PPP1CC: variants seen among roughly 807,000 people sequenced by gnomAD.
PPP1CC encodes protein phosphatase 1 catalytic subunit gamma.
In PPP1CC, 16 loss-of-function variants were observed where a neutral mutation model predicts 38.4. The ratio of observed to expected loss-of-function variants is 0.42; its 90% confidence interval spans 0.28 to 0.63. The LOEUF is 0.63. PPP1CC is among the 30% of genes least tolerant of loss of function. The probability of loss-of-function intolerance (pLI) is 0.25; values close to 1 mark genes in which losing one functional copy is unlikely to be tolerated. For missense variants in PPP1CC, 170 were observed against 391.3 expected, an observed-to-expected ratio of 0.43 and a Z score of 4.77; for synonymous variants, 158 against 136.0, an observed-to-expected ratio of 1.16 and a Z score of -1.13.
chr12:110,724,684 C>A lies in PPP1CC; in HGVS notation c.499G>T (p.Glu167Ter). 1.2e-6 allele frequency: 2 copies of A among 1,612,970 alleles called. No homozygotes were observed. The highest frequency in any genetic ancestry group is 2.2e-5 in the South Asian group (2 of 91,020). The change falls in exon 4 of 7, where the codon GAG (glutamate) becomes TAG (stop). Residue 167 changes from glutamate (E) to a stop codon, truncating the protein, a stop_gained. Coordinates refer to ENST00000335007, the MANE Select transcript of PPP1CC (RefSeq NM_002710.4). LOFTEE classifies it high-confidence loss of function. ...CCTCCATGACAGCAGAATATCTTCT[C>A]ATCCACGATGGCTGCTATCGGTAAA... ...NCLPIAAIVD[E>*]KIFCCHGGLS... is the part of the protein sequence containing the mutation.
intron 6 of PPP1CC, chr12:110,721,503 C>G (rs1276829917): frequency 1.1e-5 from 2 of 183,416 alleles, no homozygotes; most frequent in Non-Finnish European, 2.3e-5. Flanking sequence ...GTAGGGGATC[C>G]TTGCACAATC....
chr12:110,719,903 G>A lies in PPP1CC; in HGVS notation c.*1173C>T. On this transcript the variant is annotated 3_prime_UTR_variant, in exon 7 of 7. Coordinates refer to ENST00000335007, the MANE Select transcript of PPP1CC (RefSeq NM_002710.4). ...TGTGCTGATAAATAGACACTGAGAA[G>A]ATTTAACAAGTTCATCATTTAATAA... 2.0e-6 allele frequency: 1 copy of A among 488,816 alleles called. No homozygotes were observed. The allele number at this position is 488,816 out of a possible 1,614,324, so 30.3% of individuals were successfully genotyped here.
At chr12:110,711,580 G>A in the PPP1CC span, among the ~76,000 whole-genome samples, 3 of 152,192 alleles carry the variant, frequency 2.0e-5, 1 homozygote, top group East Asian at 1.9e-4. Flanking sequence ...TAACCCAGGC[G>A]ATGGGTATGT....
At chr12:110,725,727 CTT>C (rs925660435) in intron 3 of PPP1CC, 3 of 152,210 alleles carry the variant, frequency 2.0e-5, no homozygotes, top group African/African-American at 7.2e-5. Context: ...GTCCAGATGC[CTT>C]TGTTTCCTGT....
In PPP1CC at chr12:110,724,840, T is replaced by G. The variant is rs181794870; in HGVS notation, c.419-76A>C. On this transcript the variant is annotated intron_variant, in intron 3 of 6. Transcript: ENST00000335007. ...TAGGCTCATTCTCTCAGGATTAACTTCCCCCAAAGCAAGATTCTGGGTGCC... is the reference window on the plus strand; with the variant it reads ...TAGGCTCATTCTCTCAGGATTAACTGCCCCCAAAGCAAGATTCTGGGTGCC... 1,310 of 820,326 alleles carry G rather than the reference T, an allele frequency of 1.6e-3. 17 individuals carry two copies. The highest frequency in any genetic ancestry group is 2.5e-4 in the Non-Finnish European group (125 of 499,320). 50.8% of individuals were successfully genotyped at this position (820,326 alleles called of 1,614,324 possible).
rs186261280 is a variant in PPP1CC, at chr12:110,729,772, G to A, written c.418+757C>T. Among the ~76,000 whole-genome samples, 70 of 152,300 alleles carry A rather than the reference G, an allele frequency of 4.6e-4. 1 individual carries two copies. The highest frequency in any genetic ancestry group is 7.5e-4 in the Non-Finnish European group (51 of 68,022). On this transcript the variant is annotated intron_variant, in intron 3 of 6. Coordinates refer to ENST00000335007, the MANE Select transcript of PPP1CC (RefSeq NM_002710.4). ...AAAGACAAAAAGTAGATTAGTGGTT[G>A]CCTGGGGACTATGGTGATGGTCGCA...
At position 110,742,827 on chromosome 12, in the gene PPP1CC, C is replaced by T. The variant is rs543613278; in HGVS notation, c.-120G>A. The T allele has an allele frequency of 4.1e-5, 31 of 764,006 alleles. No homozygotes were observed. In the South Asian group the frequency reaches 1.3e-3, roughly 32 times the overall value. 47.3% of individuals were successfully genotyped at this position (764,006 alleles called of 1,614,324 possible). On this transcript the variant is annotated 5_prime_UTR_variant, in exon 1 of 7. Transcript: ENST00000335007. ...GTGGCGGCGGTGGCAGCAGCCGCGG[C>T]GGGTCCCCCCCCTGCCACCCCGCTC...
chr12:110,721,444 CCTT>C (rs1164264881), intron 6 of PPP1CC: 3 of 246,638 alleles, frequency 1.2e-5, no homozygotes, highest in African/African-American at 6.8e-5. Context: ...TTTAGCTACT[CCTT>C]CTGATACAGG....
intron 3 of PPP1CC, among the ~76,000 whole-genome samples, chr12:110,729,984 A>T (rs2069853610): frequency 6.6e-6 from 1 of 152,252 alleles, no homozygotes; most frequent in Non-Finnish European, 1.5e-5. Flanking sequence ...CATGATCATT[A>T]CTTCCTAATC....
chr12:110,715,391 G>A (rs985463006), downstream of PPP1CC, among the ~76,000 whole-genome samples: 3 of 151,992 alleles, frequency 2.0e-5, no homozygotes, highest in Admixed American at 1.3e-4. Context: ...CGCGATCTCA[G>A]GTCATTGCAA....
downstream of PPP1CC, among the ~76,000 whole-genome samples, chr12:110,717,433 G>A (rs370501611): frequency 6.6e-6 from 1 of 152,052 alleles, no homozygotes; most frequent in South Asian, 2.1e-4. Context: ...TCGCTCTGTC[G>A]CCCAGGCTGG....
chr12:110,724,580 AATG>A, intron 4 of PPP1CC, 77 bp downstream of exon 4: 1 of 809,972 alleles, frequency 1.2e-6, no homozygotes, highest in Non-Finnish European at 2.1e-6. Flanking sequence ...AAGTCATCCC[AATG>A]ATAACTCACA....
intron 2 of PPP1CC, among the ~76,000 whole-genome samples, chr12:110,731,179 C>T (rs1048801027): frequency 6.6e-6 from 1 of 150,966 alleles, no homozygotes; most frequent in Non-Finnish European, 1.5e-5. Flanking sequence ...AACAAAAGCA[C>T]ATACACACAT....
rs556225934 is a variant in PPP1CC, at chr12:110,732,941, TCA to T, written c.56-1042_56-1041del. 7 of 152,278 alleles carry T rather than the reference TCA, an allele frequency of 4.6e-5. No individual in the cohort carries two copies. In the South Asian group the frequency reaches 1.5e-3, roughly 32 times the overall value. 9.4% of individuals were successfully genotyped at this position (152,278 alleles called of 1,614,324 possible). On this transcript the variant is annotated intron_variant, in intron 1 of 6. Coordinates refer to ENST00000335007, the MANE Select transcript of PPP1CC (RefSeq NM_002710.4). ...TACCTTAATTTTACAGTTATAAAGTTCACTTTTGGACCCCAAAATATGTAACT... is the reference window on the plus strand; with the variant it reads ...TACCTTAATTTTACAGTTATAAAGTTCTTTTGGACCCCAAAATATGTAACT...
rs1786547378 is a variant in PPP1CC at position 110,722,768 on chromosome 12, A to C, written c.524-73T>G. The C allele has an allele frequency of 9.2e-7, 1 of 1,088,638 alleles. No individual in the cohort carries two copies. Among genetic ancestry groups the C allele is most frequent in the African/African-American group, 1.6e-5 (1 of 62,810 alleles). The allele number at this position is 1,088,638 out of a possible 1,614,324, so 67.4% of individuals were successfully genotyped here. A position where few individuals can be genotyped will look rare whatever the true frequency, so the allele number is the denominator to read the frequency against. On this transcript the variant is annotated intron_variant, in intron 4 of 6. Transcript: ENST00000335007. The surrounding 1 kb of genome is among the most constrained non-coding windows in gnomAD (Gnocchi z 5.4). ...AGGATACTACCCCTTCAAAAGTTCC[A>C]TTTGTCTACAGAGAAATTCAATAAT...
At chr12:110,716,388 T>G (rs1286448645), downstream of PPP1CC, among the ~76,000 whole-genome samples, 1 of 152,010 alleles carries the variant, frequency 6.6e-6, no homozygotes, top group African/African-American at 2.4e-5. Flanking sequence ...AGTCTCGCTC[T>G]GTTGCCCAGT....
chr12:110,716,595 C>T (rs182259545), downstream of PPP1CC, among the ~76,000 whole-genome samples: 1 of 152,286 alleles, frequency 6.6e-6, no homozygotes, highest in African/African-American at 2.4e-5. Context: ...TCAAGTGATC[C>T]ACTCACCTCG....
chr12:110,737,242 C>T, intron 1 of PPP1CC, among the ~76,000 whole-genome samples: 1 of 151,972 alleles, frequency 6.6e-6, no homozygotes, highest in Non-Finnish European at 1.5e-5. Context: ...CTTTGGGAGG[C>T]CAAGGTGGGT....
At chr12:110,711,126 T>C in the PPP1CC span, among the ~76,000 whole-genome samples, 4 of 152,080 alleles carry the variant, frequency 2.6e-5, no homozygotes, top group African/African-American at 7.2e-5. Flanking sequence ...CAGTGAGTGA[T>C]GGTGCCACTG....
Sources: gnomAD v4.1 joint callset for allele counts (sites outside exome capture counted in the v4.1 genomes callset) on GRCh38, gnomAD v4.1.1 for gene constraint, Gnocchi (gnomAD v3.1) non-coding constraint, MANE v1.5 for transcripts, NCBI Gene and HGNC (gene_info 2026-07-23, HGNC 2026-07-21) for gene names.